SYNE1: variants seen among roughly 807,000 people sequenced by gnomAD.
The protein encoded by SYNE1 is spectrin repeat containing nuclear envelope protein 1, also known as nesprin-1.
A neutral mutation model predicts 1,111.0 loss-of-function variants in SYNE1; 616 were observed. The ratio of observed to expected loss-of-function variants is 0.55; its 90% CI spans 0.52 to 0.59. The LOEUF is 0.59. Ranked by LOEUF, SYNE1 falls within the 20% of genes least tolerant of loss-of-function variation. The pLI, the probability that SYNE1 is intolerant of heterozygous loss-of-function variation, is 0.00. For missense variants in SYNE1, 10,006 were observed against 10,417.0 expected (o/e 0.96, Z 1.72); for synonymous variants, 3,855 against 3,825.8 (o/e 1.01, Z -0.28).
rs747781282 is a variant in SYNE1, at chr6:152,318,086, T to A, written c.16567A>T (p.Asn5523Tyr). Residue 5523 changes from asparagine to tyrosine, a missense_variant, in exon 86 of 146, where the codon AAT becomes TAT. By Grantham distance (143) the Asn-to-Tyr change is moderately radical. Transcript: ENST00000367255. ...TTCTGGCCCGGAACACATACCTGAT[T>A]GAGCTTGGAGAGCCGATTCTCAGCT... is the stretch of plus-strand genomic sequence containing the variant. ...RQAENRLSKLNQAASHLEEYN... is the reference protein window; with the variant it reads ...RQAENRLSKLYQAASHLEEYN... 1.2e-6 allele frequency: 2 copies of A among 1,613,488 alleles called. No homozygotes were observed. Among genetic ancestry groups the A allele is most frequent in the East Asian group, 2.2e-5 (1 of 44,874 alleles).
intron 10 of SYNE1, among the ~76,000 whole-genome samples, chr6:152,501,875 C>T (rs1481437424): frequency 1.3e-5 from 2 of 151,998 alleles, no homozygotes; most frequent in African/African-American, 4.8e-5. Flanking sequence ...AGTTGACCTG[C>T]AGAATTCTTT....
At chr6:152,371,905 AAGGAAAGGAAAGGAAAGGACAGGAC>A (rs1464953094) in intron 59 of SYNE1, among the ~76,000 whole-genome samples, 6,550 of 50,184 alleles carry the variant, frequency 0.13, 304 homozygotes, top group Non-Finnish European at 0.18. Flanking sequence ...AAGGAAAGGA[AAGGAAAGGAAAGGAAAGGACAGGAC>A]AGGACAGGAA....
At chr6:152,602,516 A>G (rs1041601844) in intron 3 of SYNE1, among the ~76,000 whole-genome samples, 2 of 152,184 alleles carry the variant, frequency 1.3e-5, no homozygotes, top group African/African-American at 2.4e-5. Flanking sequence ...TGGTACTTTA[A>G]TATGACCATC....
At chr6:152,516,103 A>G (rs964286482) in intron 6 of SYNE1, among the ~76,000 whole-genome samples, 2 of 152,214 alleles carry the variant, frequency 1.3e-5, no homozygotes, top group African/African-American at 4.8e-5. Flanking sequence ...ATCAATGCTA[A>G]GATAATAAGT....
chr6:152,272,231 C>G (rs1020985598), intron 98 of SYNE1, among the ~76,000 whole-genome samples: 2 of 152,168 alleles, frequency 1.3e-5, no homozygotes, highest in African/African-American at 4.8e-5. Context: ...CATTCTCTTT[C>G]CCCTGGGGAT....
chr6:152,484,988 C>G lies in SYNE1; in HGVS notation c.1048-16G>C, dbSNP rs1352220967. The G allele has an allele frequency of 6.2e-7, 1 of 1,608,542 alleles. No homozygotes were observed. The highest frequency in any genetic ancestry group is 2.2e-5 in the East Asian group (1 of 44,770). On this transcript the variant is annotated splice_polypyrimidine_tract_variant and intron_variant, in intron 12 of 145. Transcript: ENST00000367255. Reference sequence around the variant, plus strand: ...GCTTAAATGACTAAAAGAGGAAAAACAGCAACAGTATGGCAATGAGTCAAA... The same window carrying G: ...GCTTAAATGACTAAAAGAGGAAAAAGAGCAACAGTATGGCAATGAGTCAAA...
intron 101 of SYNE1, among the ~76,000 whole-genome samples, chr6:152,259,775 C>T (rs553812671): frequency 9.2e-5 from 14 of 152,292 alleles, no homozygotes; most frequent in African/African-American, 2.6e-4. Context: ...TTTTCCTTCA[C>T]CTTTTCACAC....
chr6:152,531,345 T>C (rs765993719), intron 4 of SYNE1, among the ~76,000 whole-genome samples: 5 of 152,264 alleles, frequency 3.3e-5, no homozygotes, highest in Non-Finnish European at 5.9e-5. Context: ...TGAGTTAAGA[T>C]GGAAAAGGTG....
chr6:152,304,365 C>T (rs1027860859), intron 91 of SYNE1, among the ~76,000 whole-genome samples: 2 of 152,108 alleles, frequency 1.3e-5, no homozygotes, highest in African/African-American at 2.4e-5. Flanking sequence ...GATGGAGTCT[C>T]GCTCTGTCAC....
chr6:152,570,132 A>G lies in SYNE1; in HGVS notation c.68-30111T>C, dbSNP rs564186877. 2.6e-5 allele frequency among the ~76,000 whole-genome samples: 4 copies of G among 152,350 alleles called. No individual in the cohort carries two copies. The South Asian group carries it at 8.3e-4, about 32-fold the overall frequency. On this transcript the variant is annotated intron_variant, in intron 3 of 145. Transcript: ENST00000367255. ...TTCTTCAATTATTTCCATGTTAATA[A>G]TAACTAAATAGATCATTATGAAATC... is the stretch of plus-strand genomic sequence containing the variant.
chr6:152,380,992 G>A lies in SYNE1; in HGVS notation c.9009+14C>T, dbSNP rs370240234. ...AAAGCATAACCACCAATAGAAAACA[G>A]GAAGCCAACTTACTTGTCCTTTGTG... On this transcript the variant is annotated intron_variant, in intron 56 of 145. Coordinates refer to ENST00000367255, the MANE Select transcript of SYNE1 (RefSeq NM_182961.4). The A allele has an allele frequency of 8.8e-5, 142 of 1,612,298 alleles. No individual in the cohort carries two copies. The highest frequency in any genetic ancestry group is 6.4e-5 in the Non-Finnish European group (76 of 1,178,498).
chr6:152,325,133 TC>T lies in SYNE1; in HGVS notation c.15607del (p.Glu5203ArgfsTer24), dbSNP rs773454452. The T allele has an allele frequency of 6.2e-7, 1 of 1,614,202 alleles. No homozygotes were observed. The highest frequency in any genetic ancestry group is 1.1e-5 in the South Asian group (1 of 91,082). On this transcript the variant is annotated frameshift_variant, in exon 81 of 146. Transcript: ENST00000367255. LOFTEE classifies it high-confidence loss of function. ...TRLRAVAQDQEKILEDAVDEW... is the reference protein window; with the variant it reads ...TRLRAVAQDQXKILEDAVDEW... ...ATCCACTGCATCTTCCAGGATCTTC[TC>T]CTGGTCCTGGGCCACAGCTCGAAGG...
At chr6:152,265,025 A>G (rs2092535189) in intron 100 of SYNE1, among the ~76,000 whole-genome samples, 1 of 152,036 alleles carries the variant, frequency 6.6e-6, no homozygotes, top group African/African-American at 2.4e-5. Context: ...CCTGGCCAAC[A>G]TGGTGAAACC....
rs1210923938 is a variant in SYNE1 at position 152,540,013 on chromosome 6, C to G, written c.76G>C (p.Glu26Gln). 1 of 1,613,794 alleles carries G rather than the reference C, an allele frequency of 6.2e-7. No homozygotes were observed. The highest frequency in any genetic ancestry group is 1.1e-5 in the South Asian group (1 of 91,066). ...NVMQRLQDEQ[E>Q]IVQKRTFTKW... Reference sequence around the variant, plus strand: ...GTGAAAGTTCGTTTTTGTACTATCTCTTGCTCATCTAGAAGGAAAAAGAAA... The same window carrying G: ...GTGAAAGTTCGTTTTTGTACTATCTGTTGCTCATCTAGAAGGAAAAAGAAA... The change falls in exon 4 of 146, where the codon GAG (glutamate) becomes CAG (glutamine). Residue 26 changes from glutamate to glutamine, a missense_variant. Around this residue, in one of 7 missense-constraint regions of SYNE1, gnomAD observed 1,971 missense variants for 2,084.1 expected, o/e 0.95. Coordinates refer to ENST00000367255, the MANE Select transcript of SYNE1 (RefSeq NM_182961.4).
intron 110 of SYNE1, among the ~76,000 whole-genome samples, chr6:152,235,652 C>CAGG (rs1441887445): frequency 6.6e-6 from 1 of 152,222 alleles, no homozygotes; most frequent in African/African-American, 2.4e-5. Flanking sequence ...TGAGCCACTG[C>CAGG]ACCTGGCCTC....
At chr6:152,406,290 T>C (rs1215289206) in intron 45 of SYNE1, among the ~76,000 whole-genome samples, 2 of 152,074 alleles carry the variant, frequency 1.3e-5, no homozygotes, top group African/African-American at 2.4e-5. Context: ...TAAGAGCACA[T>C]GGTAAGGACT....
rs563909735 is a variant in SYNE1 at position 152,507,467 on chromosome 6, G to GCA, written c.582-2072_582-2071dup. On this transcript the variant is annotated intron_variant, in intron 8 of 145. Transcript: ENST00000367255. Reference sequence around the variant, plus strand: ...TTGTTGAAAAAATATATGTAGGTATGCACACACACACATACACACACACTG... The same window carrying GCA: ...TTGTTGAAAAAATATATGTAGGTATGCACACACACACACATACACACACACTG... 5.2e-3 allele frequency among the ~76,000 whole-genome samples: 796 copies of GCA among 151,946 alleles called. 5 individuals carry two copies. The highest frequency in any genetic ancestry group is 0.013 in the South Asian group (63 of 4,806).
intron 13 of SYNE1, among the ~76,000 whole-genome samples, chr6:152,484,372 T>TA (rs1172366790): frequency 2.0e-5 from 3 of 152,130 alleles, no homozygotes; most frequent in South Asian, 2.1e-4. Flanking sequence ...CATGATCAGA[T>TA]AAAAAAAGAT....
chr6:152,610,371 C>T (rs1268653938), intron 3 of SYNE1, among the ~76,000 whole-genome samples: 2 of 151,774 alleles, frequency 1.3e-5, no homozygotes, highest in African/African-American at 2.4e-5. Flanking sequence ...ATAGCCGATT[C>T]GATCAAGTGG....
Sources: gnomAD v4.1 joint callset for allele counts (sites outside exome capture counted in the v4.1 genomes callset) on GRCh38, gnomAD v4.1.1 for gene constraint, gnomAD v4.1.1 regional missense constraint, MANE v1.5 for transcripts, NCBI Gene and HGNC (gene_info 2026-07-23, HGNC 2026-07-21) for gene names.